UNK: variants seen among roughly 807,000 people sequenced by gnomAD.
UNK encodes the protein unk zinc finger.
UNK carries 32 observed loss-of-function variants against 97.6 expected under a neutral mutation model. The observed-to-expected ratio is 0.33, with a 90% confidence interval of 0.25 to 0.44. UNK has a LOEUF of 0.44. Among genes scored for constraint, UNK ranks in the 20% least tolerant of loss-of-function variants. UNK has a pLI of 1.00. For missense variants in UNK, 771 were observed against 1,098.4 expected (o/e 0.70, Z 4.21); for synonymous variants, 441 against 461.2 (o/e 0.96, Z 0.56).
chr17:75,786,672 A>G (rs1257653991), intron 1 of UNK, among the ~76,000 whole-genome samples: 3 of 152,266 alleles, frequency 2.0e-5, no homozygotes, highest in Admixed American at 6.5e-5. Flanking sequence ...CCTGCCCAAT[A>G]TGGCAAAACC....
chr17:75,822,663 C>G lies in UNK; in HGVS notation c.2019+5C>G. The G allele has an allele frequency of 6.3e-7, 1 of 1,595,032 alleles. No individual in the cohort carries two copies. The highest frequency in any genetic ancestry group is 2.3e-5 in the East Asian group (1 of 43,856). ...TCCTGGAAGCAGGCCAAGCAGGTACCAGGCCCCGTGCCTGCCGGCCTTCCC... is the reference window on the plus strand; with the variant it reads ...TCCTGGAAGCAGGCCAAGCAGGTACGAGGCCCCGTGCCTGCCGGCCTTCCC... On this transcript the variant is annotated splice_donor_5th_base_variant and intron_variant, in intron 14 of 15. Transcript: ENST00000589666.
chr17:75,809,103 GGCGGGGGGGCGGGT>G (rs1213102898), intron 1 of UNK: 1 of 146,690 alleles, frequency 6.8e-6, no homozygotes, highest in East Asian at 2.0e-4. Flanking sequence ...CGGGGGCGGG[GGCGGGGGGGCGGGT>G]ATCTTCAGAA....
intron 1 of UNK, among the ~76,000 whole-genome samples, chr17:75,799,271 A>C (rs2143712167): frequency 6.6e-6 from 1 of 152,294 alleles, no homozygotes; most frequent in Admixed American, 6.5e-5. Context: ...GCACTACTGC[A>C]CTTCAGCCTG....
intron 1 of UNK, chr17:75,794,255 G>A (rs1057093792): frequency 5.0e-6 from 4 of 807,846 alleles, no homozygotes; most frequent in African/African-American, 3.8e-5. Flanking sequence ...TGGCCTGTCC[G>A]AAACTCTCTG....
intron 13 of UNK, chr17:75,821,556 G>C (rs1431718471): frequency 2.2e-6 from 1 of 454,436 alleles, no homozygotes; most frequent in African/African-American, 2.0e-5. Flanking sequence ...GCATGCCACA[G>C]GGTCTCCGCA....
chr17:75,790,726 T>G (rs1269772714), intron 1 of UNK, among the ~76,000 whole-genome samples: 14 of 151,566 alleles, frequency 9.2e-5, no homozygotes, highest in Admixed American at 8.5e-4. Context: ...AGGTCAGGAG[T>G]TCGGGACCAG....
At chr17:75,815,885 TA>T (rs35955807) in intron 7 of UNK, among the ~76,000 whole-genome samples, 98,599 of 119,128 alleles carry the variant, frequency 0.83, 41,506 homozygotes, top group Non-Finnish European at 0.93. Context: ...GACTCTGTCT[TA>T]AAAAAAAAAA....
chr17:75,804,778 T>C (rs947731762), intron 1 of UNK, among the ~76,000 whole-genome samples: 1 of 151,384 alleles, frequency 6.6e-6, no homozygotes, highest in African/African-American at 2.4e-5. Flanking sequence ...GAAGCAGAGG[T>C]TGCAGTGAGC....
chr17:75,788,622 G>C (rs2061735256), intron 1 of UNK, among the ~76,000 whole-genome samples: 1 of 152,104 alleles, frequency 6.6e-6, no homozygotes, highest in Non-Finnish European at 1.5e-5. Context: ...AAAGTGCTGG[G>C]ATTACAGGTG....
chr17:75,786,478 T>G (rs1398975837), intron 1 of UNK, among the ~76,000 whole-genome samples: 1 of 152,256 alleles, frequency 6.6e-6, no homozygotes, highest in African/African-American at 2.4e-5. Flanking sequence ...GCTTTCTTAT[T>G]TTGGAATTGA....
In UNK at chr17:75,820,119, G is replaced by A; in HGVS notation, c.1837+11G>A. ...CACATGGATCTTTGGGTAAGAGAGG[G>A]AGTGGTTCACTCAGGAGAACTGGGG... is the stretch of plus-strand genomic sequence containing the variant. On this transcript the variant is annotated intron_variant, in intron 13 of 15. Transcript: ENST00000589666. 1 of 1,601,718 alleles carries A rather than the reference G, an allele frequency of 6.2e-7. No individual in the cohort carries two copies. Among genetic ancestry groups the A allele is most frequent in the Non-Finnish European group, 8.5e-7 (1 of 1,172,374 alleles).
intron 6 of UNK, 125 bp from the exon 7 acceptor site, chr17:75,815,044 G>A: frequency 1.3e-6 from 1 of 763,488 alleles, no homozygotes; most frequent in Non-Finnish European, 2.2e-6. Flanking sequence ...TAGTGGAGGG[G>A]AGGGGAGGGG....
intron 1 of UNK, among the ~76,000 whole-genome samples, chr17:75,805,844 G>GTGTA (rs903504133): frequency 3.4e-5 from 5 of 147,790 alleles, no homozygotes; most frequent in African/African-American, 1.3e-4. Flanking sequence ...GTGTGTGTGT[G>GTGTA]TATAATATAT....
At chr17:75,821,414 CAG>C (rs1322241055) in intron 13 of UNK, 1 of 454,888 alleles carries the variant, frequency 2.2e-6, no homozygotes, top group East Asian at 6.9e-5. Context: ...ACCTGGACAG[CAG>C]AGTCAGGAGA....
chr17:75,813,459 G>A (rs2061988767), intron 5 of UNK, among the ~76,000 whole-genome samples: 1 of 152,228 alleles, frequency 6.6e-6, no homozygotes, highest in South Asian at 2.1e-4. Context: ...CTGATCCTGA[G>A]GGGAATGTGT....
intron 1 of UNK, among the ~76,000 whole-genome samples, chr17:75,798,621 C>T (rs939229250): frequency 6.6e-6 from 1 of 151,634 alleles, no homozygotes; most frequent in African/African-American, 2.4e-5. Context: ...GCTGGGATTA[C>T]AGGCATGAGC....
Position 75,818,005 on chromosome 17 carries a change from G to A in UNK, c.1306-98G>A. Reference sequence around the variant, plus strand: ...GCATGTGAAGAGGGGTTGCATGTCTGCCACCACCTGCCCCCTGGTACCTGC... The same window carrying A: ...GCATGTGAAGAGGGGTTGCATGTCTACCACCACCTGCCCCCTGGTACCTGC... On this transcript the variant is annotated intron_variant, in intron 9 of 15. Transcript: ENST00000589666. This position sits in a 1 kb window ranked among gnomAD's most constrained non-coding sequence, Gnocchi z 5.1. The A allele has an allele frequency of 2.5e-6, 3 of 1,216,032 alleles. No homozygotes were observed. Among genetic ancestry groups the A allele is most frequent in the Non-Finnish European group, 3.6e-6 (3 of 833,506 alleles). The allele number at this position is 1,216,032 out of a possible 1,614,324, so 75.3% of individuals were successfully genotyped here.
At position 75,816,911 on chromosome 17, in the gene UNK, C is replaced by T. The variant is rs2062021322; in HGVS notation, c.1103C>T (p.Ala368Val). ...AGCCCGCATGCCCCTGACCTCAGTG[C>T]CGTACGTGTCCATCCTGGGGAGTGG... ...PSSPHAPDLS[A>V]LLCRNSSLGS... Residue 368 changes from alanine (A) to valine (V), a missense_variant and splice_region_variant, in exon 8 of 16, where the codon GCC becomes GTC. By Grantham distance (64) the Ala-to-Val change is moderately conservative. Around this residue, in one of 5 missense-constraint regions of UNK, gnomAD observed 192 missense variants for 202.4 expected, o/e 0.95. Transcript: ENST00000589666. The surrounding 1 kb of genome is among the most constrained non-coding windows in gnomAD (Gnocchi z 4.0). 1 of 1,600,738 alleles carries T rather than the reference C, an allele frequency of 6.2e-7. No individual in the cohort carries two copies. The highest frequency in any genetic ancestry group is 8.5e-7 in the Non-Finnish European group (1 of 1,178,010).
intron 1 of UNK, among the ~76,000 whole-genome samples, chr17:75,799,015 G>A (rs974237349): frequency 4.0e-5 from 6 of 151,656 alleles, no homozygotes; most frequent in African/African-American, 9.7e-5. Context: ...GCAGTGAGCC[G>A]AGATCGGGCC....
Sources: allele counts gnomAD v4.1 joint callset (sites outside exome capture counted in the v4.1 genomes callset), GRCh38; gene constraint gnomAD v4.1.1; regional missense constraint gnomAD v4.1.1; non-coding constraint Gnocchi (gnomAD v3.1); transcripts MANE v1.5; gene names NCBI Gene and HGNC (gene_info 2026-07-23, HGNC 2026-07-21).